CIBAR1: variants seen among roughly 807,000 people sequenced by gnomAD.
The protein encoded by CIBAR1 is CBY1-interacting BAR domain-containing protein 1.
CIBAR1 carries 25 observed loss-of-function variants against 44.0 expected under a neutral mutation model. The observed-to-expected ratio is 0.57, with a 90% CI of 0.41 to 0.79. The LOEUF (loss-of-function observed/expected upper bound fraction) is 0.79, where lower values mean the gene tolerates loss of function less well. CIBAR1 is among the 30% of genes least tolerant of loss of function. CIBAR1 has a pLI of 0.00. For missense variants in CIBAR1, 278 were observed against 344.8 expected, an observed-to-expected ratio of 0.81 and a Z score of 1.53; for synonymous variants, 115 against 119.0, an observed-to-expected ratio of 0.97 and a Z score of 0.22.
At chr8:93,703,878 C>G (rs6997820) in intron 3 of CIBAR1, among the ~76,000 whole-genome samples, 190 bp downstream of exon 3, 151,427 of 151,936 alleles carry the variant, frequency 1, 75,486 homozygotes, top group Middle Eastern at 1. Flanking sequence ...GCCTGGCCAA[C>G]ATAGTGAAAC....
At chr8:93,704,429 C>G (rs1810495674) in intron 3 of CIBAR1, among the ~76,000 whole-genome samples, 1 of 152,200 alleles carries the variant, frequency 6.6e-6, no homozygotes, top group South Asian at 2.1e-4. Flanking sequence ...AGGGTTTGCA[C>G]TCCTATGAGA....
chr8:93,722,613 C>T (rs972282259), intron 7 of CIBAR1, among the ~76,000 whole-genome samples: 2 of 151,966 alleles, frequency 1.3e-5, no homozygotes, highest in Non-Finnish European at 2.9e-5. Flanking sequence ...TGGAAGGAAT[C>T]GCTTGAACCT....
intron 7 of CIBAR1, chr8:93,725,794 A>T (rs1018354972): frequency 1.3e-5 from 2 of 152,204 alleles, no homozygotes; most frequent in Non-Finnish European, 2.9e-5. Flanking sequence ...AAAGTTCAAG[A>T]GATTCATATC....
At chr8:93,716,663 C>T (rs1361776682) in intron 6 of CIBAR1, among the ~76,000 whole-genome samples, 1 of 152,004 alleles carries the variant, frequency 6.6e-6, no homozygotes, top group Non-Finnish European at 1.5e-5. Context: ...TTTTTATTGC[C>T]AAATCCATCT....
chr8:93,727,903 CA>C lies in CIBAR1; in HGVS notation c.778-298del, dbSNP rs543398510. Among the ~76,000 whole-genome samples, 15 of 151,944 alleles carry C rather than the reference CA, an allele frequency of 9.9e-5. 1 individual carries two copies. In the South Asian group the frequency reaches 3.1e-3, roughly 31 times the overall value. ...ATTCTCAAATGCTGTTTCTGTGACC[CA>C]AAATTTATTTTTAATATTCATAATA... On this transcript the variant is annotated intron_variant, in intron 8 of 8. Coordinates refer to ENST00000518322, the MANE Select transcript of CIBAR1 (RefSeq NM_145269.5).
intron 8 of CIBAR1, 86 bp from the exon 9 acceptor site, chr8:93,728,119 C>T: frequency 1.5e-6 from 1 of 658,950 alleles, no homozygotes; most frequent in South Asian, 4.1e-5. Context: ...TGTTGTGTGC[C>T]CTTTAATAGC....
intron 6 of CIBAR1, among the ~76,000 whole-genome samples, chr8:93,716,354 G>GTT (rs961897144): frequency 7.1e-6 from 1 of 141,132 alleles, no homozygotes; most frequent in East Asian, 2.0e-4. Context: ...TGTGTTTGTT[G>GTT]TTTTTTTTTT....
Position 93,726,434 on chromosome 8 carries a change from G to T in CIBAR1, c.698G>T (p.Arg233Leu), listed in dbSNP as rs559199944. Residue 233 changes from arginine (R) to leucine (L), a missense_variant, in exon 8 of 9, where the codon CGT becomes CTT. Transcript: ENST00000518322. ...NSLYAPDYSS[R>L]LDIVRANSKS... is the part of the protein sequence containing the mutation. Reference sequence around the variant, plus strand: ...CTGTATGCACCAGATTATTCATCTCGTTTAGATATTGTAAGAGCAAATTCA... The same window carrying T: ...CTGTATGCACCAGATTATTCATCTCTTTTAGATATTGTAAGAGCAAATTCA... 2.9e-5 allele frequency: 47 copies of T among 1,613,418 alleles called. No homozygotes were observed. The South Asian group carries it at 5.1e-4, about 17-fold the overall frequency.
intron 7 of CIBAR1, among the ~76,000 whole-genome samples, chr8:93,722,044 A>T (rs932135573): frequency 1.3e-5 from 2 of 152,210 alleles, no homozygotes; most frequent in Non-Finnish European, 2.9e-5. Flanking sequence ...ATGGAAAAAA[A>T]CAAAAACAAA....
chr8:93,726,295 GTTGT>G, intron 7 of CIBAR1, 95 bp from the exon 8 acceptor site: 2 of 1,067,548 alleles, frequency 1.9e-6, no homozygotes, highest in Non-Finnish European at 2.6e-6. Flanking sequence ...TTTGGGGGGA[GTTGT>G]TTTTTTAAAA....
At chr8:93,720,836 A>G (rs1375606250) in intron 7 of CIBAR1, 3 of 152,020 alleles carry the variant, frequency 2.0e-5, no homozygotes, top group Non-Finnish European at 4.4e-5. Context: ...ATGCCACTGC[A>G]CTCTAGCCTG....
intron 7 of CIBAR1, 69 bp from the exon 8 acceptor site, chr8:93,726,325 G>T: frequency 2.3e-5 from 31 of 1,326,892 alleles, no homozygotes; most frequent in East Asian, 1.1e-4. Flanking sequence ...TCTTAACTAA[G>T]GAACTTAATT....
chr8:93,718,919 A>C, intron 7 of CIBAR1, 131 bp downstream of exon 7: 1 of 483,708 alleles, frequency 2.1e-6, no homozygotes, highest in Non-Finnish European at 3.5e-6. Context: ...GTTGGAGTGC[A>C]GTAGTGTGAT....
In CIBAR1 at chr8:93,728,739, T is replaced by C. The variant is rs1306155851; in HGVS notation, c.*442T>C. ...ATGAAGCCTTAAGAAAAAAAACTTT[T>C]TTTAACTTTCCCTGAAACTTTATCA... is the stretch of plus-strand genomic sequence containing the variant. On this transcript the variant is annotated 3_prime_UTR_variant, in exon 9 of 9. Transcript: ENST00000518322. 6.6e-6 allele frequency: 1 copy of C among 152,018 alleles called. No individual in the cohort carries two copies. The allele number at this position is 152,018 out of a possible 1,614,324, so 9.4% of individuals were successfully genotyped here. A position where few individuals can be genotyped will look rare whatever the true frequency, so the allele number is the denominator to read the frequency against.
At chr8:93,710,591 T>C (rs1183941033) in intron 6 of CIBAR1, among the ~76,000 whole-genome samples, 1 of 152,042 alleles carries the variant, frequency 6.6e-6, no homozygotes, top group African/African-American at 2.4e-5. Context: ...CCCAGCACTT[T>C]GGGAAGCTAA....
rs1005723331 is a variant in CIBAR1, at chr8:93,726,305, T to A, written c.658-89T>A. 18 of 1,229,234 alleles carry A rather than the reference T, an allele frequency of 1.5e-5. 1 individual carries two copies. The highest frequency in any genetic ancestry group is 1.4e-4 in the East Asian group (5 of 36,886). The allele number at this position is 1,229,234 out of a possible 1,614,324, so 76.1% of individuals were successfully genotyped here. A position where few individuals can be genotyped will look rare whatever the true frequency, so the allele number is the denominator to read the frequency against. On this transcript the variant is annotated intron_variant, in intron 7 of 8. Coordinates refer to ENST00000518322, the MANE Select transcript of CIBAR1 (RefSeq NM_145269.5). ...GTCCATTTGGGGGGAGTTGTTTTTT[T>A]AAAAAAAAATCTTAACTAAGGAACT...
chr8:93,711,255 G>C (rs1263765104), intron 6 of CIBAR1, among the ~76,000 whole-genome samples: 1 of 152,002 alleles, frequency 6.6e-6, no homozygotes, highest in African/African-American at 2.4e-5. Context: ...CCTGTAACAG[G>C]CTTTAAATAT....
At chr8:93,725,453 C>A (rs1308038748) in intron 7 of CIBAR1, among the ~76,000 whole-genome samples, 1 of 151,922 alleles carries the variant, frequency 6.6e-6, no homozygotes, top group Non-Finnish European at 1.5e-5. Flanking sequence ...GAAAAAAAGA[C>A]CTTGGTGATG....
At chr8:93,706,169 G>A (rs1313898734) in intron 4 of CIBAR1, 1 of 152,162 alleles carries the variant, frequency 6.6e-6, no homozygotes, top group Non-Finnish European at 1.5e-5. Flanking sequence ...TGCGCCAGTT[G>A]CTTGGTCCTT....
Sources: gnomAD v4.1 joint callset for allele counts (sites outside exome capture counted in the v4.1 genomes callset) on GRCh38, gnomAD v4.1.1 for gene constraint, MANE v1.5 for transcripts, NCBI Gene and HGNC (gene_info 2026-07-23, HGNC 2026-07-21) for gene names.